Variants in SPATA13 observed in about 807,000 individuals in gnomAD.
The protein encoded by SPATA13 is spermatogenesis associated 13.
SPATA13 carries 50 observed loss-of-function variants against 104.0 expected under a neutral mutation model. The ratio of observed to expected loss-of-function variants is 0.48; its 90% CI spans 0.38 to 0.61. The LOEUF (loss-of-function observed/expected upper bound fraction) is 0.61, where lower values mean the gene tolerates loss of function less well. Ranked by LOEUF, SPATA13 falls within the 20% of genes least tolerant of loss-of-function variation. The pLI, the probability that SPATA13 is intolerant of heterozygous loss-of-function variation, is 0.00. For missense variants in SPATA13, 1,524 were observed against 1,690.6 expected (o/e 0.90, Z 1.73); for synonymous variants, 606 against 667.5 (o/e 0.91, Z 1.42).
intron 3 of SPATA13, among the ~76,000 whole-genome samples, chr13:24,132,962 T>C (rs1242663559): frequency 9.5e-6 from 1 of 104,822 alleles, no homozygotes; most frequent in Non-Finnish European, 2.1e-5. Context: ...GGCAACAGAG[T>C]GAGACTCTGT....
chr13:23,988,702 C>T (rs916766527), intron 2 of SPATA13, among the ~76,000 whole-genome samples: 31 of 152,280 alleles, frequency 2.0e-4, no homozygotes, highest in African/African-American at 7.5e-4. Context: ...AAAATGGTGT[C>T]TCAGTGTGGT....
intron 1 of SPATA13, among the ~76,000 whole-genome samples, chr13:24,182,260 A>G (rs2138526222): frequency 6.6e-6 from 1 of 152,314 alleles, no homozygotes; most frequent in South Asian, 2.1e-4. Flanking sequence ...TTGTAACACT[A>G]AACTTTGAGG....
At chr13:24,170,333 C>T (rs1882918111) in intron 1 of SPATA13, among the ~76,000 whole-genome samples, 1 of 152,210 alleles carries the variant, frequency 6.6e-6, no homozygotes, top group Non-Finnish European at 1.5e-5. Flanking sequence ...AGTGCATGCC[C>T]AACTGCTGGG....
chr13:24,142,458 C>T (rs1881791258), intron 3 of SPATA13, among the ~76,000 whole-genome samples: 1 of 152,126 alleles, frequency 6.6e-6, no homozygotes, highest in South Asian at 2.1e-4. Flanking sequence ...CCCATTTCTC[C>T]CCCCTCAGTT....
intron 12 of SPATA13, among the ~76,000 whole-genome samples, chr13:24,300,722 G>A (rs1055374358): frequency 6.6e-6 from 1 of 152,180 alleles, no homozygotes; most frequent in Non-Finnish European, 1.5e-5. Flanking sequence ...CTGGAGGGTG[G>A]TGGACCTCCT....
chr13:24,118,520 G>A (rs1880925862), intron 3 of SPATA13, among the ~76,000 whole-genome samples: 1 of 152,162 alleles, frequency 6.6e-6, no homozygotes, highest in South Asian at 2.1e-4. Flanking sequence ...TTCCAAGCTT[G>A]TAGCCTGCAT....
At chr13:24,277,478 G>A (rs1033000124) in intron 4 of SPATA13, among the ~76,000 whole-genome samples, 6 of 147,544 alleles carry the variant, frequency 4.1e-5, no homozygotes, top group Middle Eastern at 3.7e-3. Context: ...AGTTCACCTT[G>A]GAAGTAATAT....
intron 1 of SPATA13, among the ~76,000 whole-genome samples, chr13:24,166,667 C>T (rs1002651213): frequency 6.6e-6 from 1 of 152,072 alleles, no homozygotes; most frequent in African/African-American, 2.4e-5. Context: ...GTGAGTGGGG[C>T]CCAGCAATCT....
At chr13:24,130,958 G>A (rs921701573) in intron 3 of SPATA13, among the ~76,000 whole-genome samples, 1 of 152,204 alleles carries the variant, frequency 6.6e-6, no homozygotes, top group African/African-American at 2.4e-5. Context: ...TCTTACACAG[G>A]GGTGGAGCGG....
chr13:24,122,496 T>C, intron 3 of SPATA13: 2 of 1,608,004 alleles, frequency 1.2e-6, no homozygotes, highest in Non-Finnish European at 1.7e-6. Flanking sequence ...CTTGCCCATC[T>C]TCATCAATAT....
chr13:24,209,537 G>A (rs1368724729), intron 1 of SPATA13, among the ~76,000 whole-genome samples: 6 of 152,120 alleles, frequency 3.9e-5, no homozygotes, highest in South Asian at 2.1e-4. Context: ...CTCTGTGCCT[G>A]GCTCATTTCA....
chr13:24,157,131 C>T (rs544878073), upstream of SPATA13, among the ~76,000 whole-genome samples: 4 of 152,310 alleles, frequency 2.6e-5, no homozygotes, highest in South Asian at 8.3e-4. Context: ...TGGTCTGTGG[C>T]ATCCAGACAC....
intron 10 of SPATA13, among the ~76,000 whole-genome samples, chr13:24,296,068 A>G (rs1414310414): frequency 6.6e-6 from 1 of 152,216 alleles, no homozygotes; most frequent in African/African-American, 2.4e-5. Flanking sequence ...AATTGGTCAG[A>G]ACTCACTCTC....
At chr13:24,185,171 G>A (rs150264602) in intron 1 of SPATA13, among the ~76,000 whole-genome samples, 59 of 152,292 alleles carry the variant, frequency 3.9e-4, no homozygotes, top group African/African-American at 8.7e-4. Context: ...CCCCTGTGAC[G>A]TATTTTTGTG....
chr13:24,176,122 G>T (rs566103824), intron 1 of SPATA13, among the ~76,000 whole-genome samples: 1 of 152,204 alleles, frequency 6.6e-6, no homozygotes, highest in Admixed American at 6.5e-5. Flanking sequence ...TTGTTACAAA[G>T]GTAGAGTCCA....
intron 3 of SPATA13, among the ~76,000 whole-genome samples, chr13:24,139,487 T>A (rs1308991876): frequency 6.6e-6 from 1 of 152,210 alleles, no homozygotes; most frequent in African/African-American, 2.4e-5. Context: ...AGGTGACTGG[T>A]ACAATTGCAG....
rs75892078 is a variant in SPATA13 at position 23,984,500 on chromosome 13, C to T, written c.-147+567C>T. Among the ~76,000 whole-genome samples the T allele has an allele frequency of 2.4e-3, 360 of 152,262 alleles. 14 individuals are homozygous for T. In the East Asian group the frequency reaches 0.061, roughly 26 times the overall value. Reference sequence around the variant, plus strand: ...TAGGAATCTGTTTCTATCATGGCCCCGCGCAGCACCTGTCCTTCCCACCGT... The same window carrying T: ...TAGGAATCTGTTTCTATCATGGCCCTGCGCAGCACCTGTCCTTCCCACCGT... On this transcript the variant is annotated intron_variant, in intron 2 of 14. Transcript: ENST00000424834.
intron 2 of SPATA13, among the ~76,000 whole-genome samples, chr13:24,247,477 A>ATTTTTT (rs1342062317): frequency 6.9e-5 from 2 of 28,962 alleles, no homozygotes; most frequent in Non-Finnish European, 9.8e-5. Flanking sequence ...CTCCACATTC[A>ATTTTTT]CTTTTTTTTT....
At chr13:24,156,356 C>G (rs534015257), upstream of SPATA13, among the ~76,000 whole-genome samples, 14 of 152,262 alleles carry the variant, frequency 9.2e-5, no homozygotes, top group African/African-American at 3.4e-4. Context: ...CCCTCCAAAC[C>G]CAGGTGTGAT....
Sources: gnomAD v4.1 joint callset for allele counts (sites outside exome capture counted in the v4.1 genomes callset) on GRCh38, gnomAD v4.1.1 for gene constraint, MANE v1.5 for transcripts, NCBI Gene and HGNC (gene_info 2026-07-23, HGNC 2026-07-21) for gene names.